Variants in SLC1A3 observed in about 807,000 individuals in gnomAD.
SLC1A3 encodes excitatory amino acid transporter 1.
SLC1A3 carries 21 observed loss-of-function variants against 48.1 expected under a neutral mutation model. The ratio of observed to expected loss-of-function variants is 0.44; its 90% confidence interval spans 0.31 to 0.63. SLC1A3 has a LOEUF of 0.63. Ranked by LOEUF, SLC1A3 falls within the 20% of genes least tolerant of loss-of-function variation. SLC1A3 has a pLI of 0.08. For missense variants in SLC1A3, 546 were observed against 689.0 expected, an observed-to-expected ratio of 0.79 and a Z score of 2.32; for synonymous variants, 239 against 251.4, an observed-to-expected ratio of 0.95 and a Z score of 0.47.
At chr5:36,676,646 G>A (rs970116242) in intron 5 of SLC1A3, among the ~76,000 whole-genome samples, 16 of 116,210 alleles carry the variant, frequency 1.4e-4, no homozygotes, top group East Asian at 2.6e-4. Context: ...TTGAGTGTGT[G>A]TATGTGTGTG....
At chr5:36,621,336 T>C (rs1739657973) in intron 2 of SLC1A3, among the ~76,000 whole-genome samples, 1 of 151,992 alleles carries the variant, frequency 6.6e-6, no homozygotes, top group African/African-American at 2.4e-5. Flanking sequence ...AGGAGGGAAG[T>C]GTGGAAACAG....
At chr5:36,639,025 G>T (rs1372106194) in intron 3 of SLC1A3, among the ~76,000 whole-genome samples, 1 of 152,184 alleles carries the variant, frequency 6.6e-6, no homozygotes, top group Non-Finnish European at 1.5e-5. Flanking sequence ...TACAAATATT[G>T]ATGAGCATAA....
upstream of SLC1A3, among the ~76,000 whole-genome samples, chr5:36,603,593 A>G (rs191693034): frequency 1.7e-4 from 26 of 152,316 alleles, no homozygotes; most frequent in African/African-American, 5.8e-4. Context: ...AGACTTCACC[A>G]CAGGTTTTTT....
intron 3 of SLC1A3, among the ~76,000 whole-genome samples, chr5:36,641,398 G>A (rs1421276388): frequency 6.6e-6 from 1 of 152,168 alleles, no homozygotes; most frequent in Non-Finnish European, 1.5e-5. Flanking sequence ...TAGTTGAGCT[G>A]TAATTTCAGT....
intron 1 of SLC1A3, among the ~76,000 whole-genome samples, chr5:36,597,033 T>C (rs2111625368): frequency 6.6e-6 from 1 of 152,160 alleles, no homozygotes; most frequent in East Asian, 1.9e-4. Flanking sequence ...TGGTTGGTTG[T>C]TTTGTTTTGT....
chr5:36,642,054 G>GA (rs1316533605), intron 3 of SLC1A3, among the ~76,000 whole-genome samples: 5 of 152,206 alleles, frequency 3.3e-5, no homozygotes, highest in South Asian at 2.1e-4. Context: ...AGCTTACAGT[G>GA]AAAAAATCTT....
intron 2 of SLC1A3, among the ~76,000 whole-genome samples, chr5:36,625,215 C>A (rs1486160018): frequency 6.6e-6 from 1 of 152,196 alleles, no homozygotes; most frequent in Non-Finnish European, 1.5e-5. Context: ...CCTAGCACTT[C>A]GGGAAGCCGA....
rs1243015598 is a variant in SLC1A3, at chr5:36,687,277, G to A, written c.*1008G>A. ...AAACAGATGAGAAGACTAGCAGCTAGCAAGGGTGCTTGTGGTCACACTGTG... is the reference window on the plus strand; with the variant it reads ...AAACAGATGAGAAGACTAGCAGCTAACAAGGGTGCTTGTGGTCACACTGTG... On this transcript the variant is annotated 3_prime_UTR_variant, in exon 10 of 10. Transcript: ENST00000265113. The A allele has an allele frequency of 6.6e-6, 1 of 152,228 alleles. No individual in the cohort carries two copies. Among genetic ancestry groups the A allele is most frequent in the African/African-American group, 2.4e-5 (1 of 41,448 alleles). 9.4% of individuals were successfully genotyped at this position (152,228 alleles called of 1,614,324 possible).
At chr5:36,604,011 T>C (rs1738837454), upstream of SLC1A3, among the ~76,000 whole-genome samples, 2 of 152,242 alleles carry the variant, frequency 1.3e-5, no homozygotes, top group Non-Finnish European at 2.9e-5. Context: ...CTTATTACCG[T>C]AATCTCTTGT....
At chr5:36,600,441 G>A (rs993255326) in intron 1 of SLC1A3, among the ~76,000 whole-genome samples, 13 of 152,274 alleles carry the variant, frequency 8.5e-5, no homozygotes, top group Admixed American at 5.9e-4. Context: ...TTTCTCTAAT[G>A]TCACATGACC....
At chr5:36,685,241 G>A (rs2111987676) in intron 9 of SLC1A3, among the ~76,000 whole-genome samples, 1 of 151,466 alleles carries the variant, frequency 6.6e-6, no homozygotes, top group East Asian at 1.9e-4. Flanking sequence ...GCATTTTTTT[G>A]CAAAAAACAA....
intron 3 of SLC1A3, among the ~76,000 whole-genome samples, chr5:36,643,412 C>T (rs1740698728): frequency 6.6e-6 from 1 of 152,112 alleles, no homozygotes; most frequent in Non-Finnish European, 1.5e-5. Context: ...TCTCTGAAGG[C>T]TAATAATGTC....
At chr5:36,619,889 A>G (rs535560134) in intron 2 of SLC1A3, among the ~76,000 whole-genome samples, 1 of 152,368 alleles carries the variant, frequency 6.6e-6, no homozygotes, top group Admixed American at 6.5e-5. Flanking sequence ...AACAAGATGA[A>G]TTAGTATAAA....
intron 3 of SLC1A3, among the ~76,000 whole-genome samples, chr5:36,665,345 C>T (rs1257534390): frequency 6.6e-6 from 1 of 152,152 alleles, no homozygotes; most frequent in African/African-American, 2.4e-5. Flanking sequence ...GGCACTGAGG[C>T]CACTGCAATG....
At chr5:36,679,122 C>A (rs1742329017) in intron 6 of SLC1A3, among the ~76,000 whole-genome samples, 2 of 152,122 alleles carry the variant, frequency 1.3e-5, no homozygotes, top group Admixed American at 6.5e-5. Context: ...GCATCGTGTG[C>A]CTCTTGCTTT....
intron 5 of SLC1A3, among the ~76,000 whole-genome samples, chr5:36,675,046 T>C (rs1205334334): frequency 2.6e-5 from 4 of 152,204 alleles, no homozygotes; most frequent in African/African-American, 9.6e-5. Flanking sequence ...TTTCTCCAGA[T>C]GGTGTCAATT....
chr5:36,613,674 G>A (rs1399984422), intron 2 of SLC1A3, among the ~76,000 whole-genome samples: 2 of 152,162 alleles, frequency 1.3e-5, no homozygotes, highest in Non-Finnish European at 2.9e-5. Context: ...TCTTGGAAAT[G>A]AGCAGGGAGA....
chr5:36,654,597 C>T (rs987838056), intron 3 of SLC1A3, among the ~76,000 whole-genome samples: 2 of 152,170 alleles, frequency 1.3e-5, no homozygotes, highest in African/African-American at 4.8e-5. Flanking sequence ...CCTAGCAAGC[C>T]TTGTATAGCT....
chr5:36,644,811 G>A (rs1002698611), intron 3 of SLC1A3, among the ~76,000 whole-genome samples: 2 of 152,190 alleles, frequency 1.3e-5, no homozygotes, highest in Non-Finnish European at 2.9e-5. Flanking sequence ...CTGTGGGTCA[G>A]TGATCAGGTA....
Sources: allele counts gnomAD v4.1 joint callset (sites outside exome capture counted in the v4.1 genomes callset), GRCh38; gene constraint gnomAD v4.1.1; transcripts MANE v1.5; gene names NCBI Gene and HGNC (gene_info 2026-07-23, HGNC 2026-07-21).